Variants in TENM3 observed in about 807,000 individuals in gnomAD.
TENM3 encodes teneurin-3.
TENM3 carries 63 observed loss-of-function variants against 255.1 expected under a neutral mutation model. The observed-to-expected ratio is 0.25, with a 90% confidence interval of 0.20 to 0.30. The LOEUF (loss-of-function observed/expected upper bound fraction) is 0.30. Ranked by LOEUF, TENM3 falls within the 10% of genes least tolerant of loss-of-function variation. TENM3 has a pLI of 1.00. For synonymous variants in TENM3, 1,306 were observed against 1,322.3 expected, an observed-to-expected ratio of 0.99 and a Z score of 0.27; for missense variants, 2,929 against 3,461.1, an observed-to-expected ratio of 0.85 and a Z score of 3.86.
chr4:181,752,653 T>C, the TENM3 span, among the ~76,000 whole-genome samples: 1 of 152,052 alleles, frequency 6.6e-6, no homozygotes, highest in Non-Finnish European at 1.5e-5. Flanking sequence ...TTTTTTGGAG[T>C]ATGAGTCATT....
At chr4:181,786,840 C>G in the TENM3 span, among the ~76,000 whole-genome samples, 2 of 152,026 alleles carry the variant, frequency 1.3e-5, no homozygotes, top group African/African-American at 4.8e-5. Context: ...CTCAGCATGT[C>G]AAAGTGTCAG....
chr4:181,645,968 C>T, the TENM3 span, among the ~76,000 whole-genome samples: 1 of 152,218 alleles, frequency 6.6e-6, no homozygotes, highest in Non-Finnish European at 1.5e-5. Context: ...CCCACATGAT[C>T]TTTCACAGGA....
chr4:182,412,727 G>T (rs1034429445), intron 3 of TENM3, among the ~76,000 whole-genome samples: 6 of 150,948 alleles, frequency 4.0e-5, no homozygotes, highest in Non-Finnish European at 8.9e-5. Flanking sequence ...TAGCCGGGTG[G>T]GTTAGCACTC....
the TENM3 span, among the ~76,000 whole-genome samples, chr4:182,025,351 G>A: frequency 1.3e-5 from 2 of 152,206 alleles, no homozygotes; most frequent in Middle Eastern, 3.4e-3. Context: ...TTTTATGGTT[G>A]AATAGTATTC....
At chr4:182,674,607 A>T (rs564400669) in intron 7 of TENM3, among the ~76,000 whole-genome samples, 1 of 151,952 alleles carries the variant, frequency 6.6e-6, no homozygotes, top group Non-Finnish European at 1.5e-5. Context: ...ACAGGGTCTC[A>T]CTCCGTCTTC....
the TENM3 span, among the ~76,000 whole-genome samples, chr4:181,669,815 G>A: frequency 0.055 from 8,398 of 152,222 alleles, 381 homozygotes; most frequent in African/African-American, 0.12. Flanking sequence ...AGAATGTTAT[G>A]AGTGTGTTGA....
the TENM3 span, among the ~76,000 whole-genome samples, chr4:181,484,039 A>AT: frequency 3.3e-5 from 5 of 151,984 alleles, no homozygotes; most frequent in South Asian, 4.1e-4. Flanking sequence ...TGCACATTTG[A>AT]TTTTTTTTAA....
chr4:182,288,252 A>G (rs115131308), intron 1 of TENM3, among the ~76,000 whole-genome samples: 2,780 of 151,902 alleles, frequency 0.018, 82 homozygotes, highest in African/African-American at 0.06. Context: ...TTTATTTTTA[A>G]TAGAGACAGG....
chr4:182,408,184 T>G (rs1007478476), intron 3 of TENM3, among the ~76,000 whole-genome samples: 10 of 152,198 alleles, frequency 6.6e-5, no homozygotes, highest in African/African-American at 2.4e-4. Flanking sequence ...CCTTTTTAGG[T>G]TCTGTTATTA....
chr4:182,064,515 G>A, the TENM3 span, among the ~76,000 whole-genome samples: 3 of 152,066 alleles, frequency 2.0e-5, no homozygotes, highest in East Asian at 1.9e-4. Flanking sequence ...CCCGGGAGGC[G>A]GAGCTTGCAG....
intron 3 of TENM3, among the ~76,000 whole-genome samples, chr4:182,450,547 T>C (rs1773370791): frequency 6.6e-6 from 1 of 152,198 alleles, no homozygotes; most frequent in Admixed American, 6.5e-5. Context: ...TTACACAATG[T>C]GATGATGAAT....
the TENM3 span, among the ~76,000 whole-genome samples, chr4:181,517,253 A>T: frequency 1.3e-5 from 2 of 152,104 alleles, no homozygotes; most frequent in African/African-American, 4.8e-5. Flanking sequence ...CCATTTTCTT[A>T]TTTTATGAGG....
intron 1 of TENM3, among the ~76,000 whole-genome samples, chr4:182,307,637 T>A (rs1163520303): frequency 6.6e-6 from 1 of 152,256 alleles, no homozygotes; most frequent in Non-Finnish European, 1.5e-5. Flanking sequence ...CAAATTGAAT[T>A]ACTTTAAAGC....
the TENM3 span, among the ~76,000 whole-genome samples, chr4:181,462,049 C>T: frequency 5.9e-5 from 9 of 152,070 alleles, no homozygotes; most frequent in East Asian, 1.9e-4. Context: ...TGGATTTGAC[C>T]GATTTGCTTT....
the TENM3 span, among the ~76,000 whole-genome samples, chr4:181,719,563 G>A: frequency 8.5e-5 from 13 of 152,100 alleles, no homozygotes; most frequent in Non-Finnish European, 1.0e-4. Context: ...GGCTCCTTGC[G>A]GCCTCTTTTA....
chr4:181,886,944 A>G, the TENM3 span, among the ~76,000 whole-genome samples: 37 of 152,308 alleles, frequency 2.4e-4, no homozygotes, highest in Middle Eastern at 0.014. Flanking sequence ...AAAGTTTTCC[A>G]TTGAGCCAAC....
At chr4:181,872,518 A>G in the TENM3 span, among the ~76,000 whole-genome samples, 1 of 151,888 alleles carries the variant, frequency 6.6e-6, no homozygotes, top group Non-Finnish European at 1.5e-5. Context: ...GTTCCCCTCT[A>G]TGTGTCGATG....
chr4:181,858,299 T>C, the TENM3 span, among the ~76,000 whole-genome samples: 2 of 152,208 alleles, frequency 1.3e-5, no homozygotes, highest in Non-Finnish European at 2.9e-5. Context: ...GCAAGATTTA[T>C]TTGCTTCATT....
At chr4:182,666,684 T>A (rs1487195147) in intron 6 of TENM3, among the ~76,000 whole-genome samples, 1 of 152,032 alleles carries the variant, frequency 6.6e-6, no homozygotes, top group East Asian at 1.9e-4. Context: ...ATCGCTTGAG[T>A]CCAAGAGTTT....
Sources: gnomAD v4.1 joint callset for allele counts (sites outside exome capture counted in the v4.1 genomes callset) on GRCh38, gnomAD v4.1.1 for gene constraint, MANE v1.5 for transcripts, NCBI Gene and HGNC (gene_info 2026-07-23, HGNC 2026-07-21) for gene names.